AOPEP: variants seen among roughly 807,000 people sequenced by gnomAD.
The protein encoded by AOPEP is aminopeptidase O (putative).
A neutral mutation model predicts 98.1 loss-of-function variants in AOPEP; 77 were observed. That is an observed-to-expected ratio of 0.78 (90% CI 0.65 to 0.95). The LOEUF (loss-of-function observed/expected upper bound fraction) is 0.95, where lower values mean the gene tolerates loss of function less well. Ranked by LOEUF, AOPEP falls within the 40% of genes least tolerant of loss-of-function variation. The pLI is 0.00. For synonymous variants in AOPEP, 346 were observed against 365.3 expected (o/e 0.95, Z 0.60); for missense variants, 1,024 against 1,024.7 (o/e 1.00, Z 0.01).
intron 5 of AOPEP, among the ~76,000 whole-genome samples, chr9:94,839,520 G>T (rs1194619392): frequency 6.6e-6 from 1 of 152,104 alleles, no homozygotes; most frequent in East Asian, 1.9e-4. Context: ...ACTACACCCG[G>T]CCTATAAGTG....
rs554747599 is a variant in AOPEP at position 94,730,931 on chromosome 9, GA to G, written c.-136+4188del. 5.3e-4 allele frequency among the ~76,000 whole-genome samples: 80 copies of G among 152,028 alleles called. 1 individual carries two copies. The highest frequency in any genetic ancestry group is 1.6e-3 in the African/African-American group (68 of 41,518). On this transcript the variant is annotated intron_variant, in intron 1 of 16. Coordinates refer to ENST00000375315, the MANE Select transcript of AOPEP (RefSeq NM_001193329.3). ...GTAAAGCATGTCTTGTAATGTTAAAGAAAAAAAAGACGATTAATTTGCTACG... is the reference window on the plus strand; with the variant it reads ...GTAAAGCATGTCTTGTAATGTTAAAGAAAAAAAGACGATTAATTTGCTACG...
chr9:94,981,128 C>T (rs766073772), intron 11 of AOPEP, among the ~76,000 whole-genome samples: 5 of 152,204 alleles, frequency 3.3e-5, no homozygotes, highest in Admixed American at 6.5e-5. Flanking sequence ...CAGGCGCACT[C>T]CACTTAGGCT....
At chr9:94,728,407 C>G (rs1587913627) in intron 1 of AOPEP, among the ~76,000 whole-genome samples, 1 of 152,286 alleles carries the variant, frequency 6.6e-6, no homozygotes, top group East Asian at 1.9e-4. Context: ...ATTTTATTGA[C>G]TCTTTGAGAT....
chr9:95,122,305 G>A, the AOPEP span, among the ~76,000 whole-genome samples: 4 of 152,046 alleles, frequency 2.6e-5, no homozygotes, highest in African/African-American at 4.8e-5. Flanking sequence ...GAGAAAAGAG[G>A]GTCACGCATC....
chr9:95,147,440 C>T, the AOPEP span, among the ~76,000 whole-genome samples: 2 of 152,128 alleles, frequency 1.3e-5, no homozygotes, highest in East Asian at 1.9e-4. Context: ...CACTTGAACC[C>T]GGAAGGCAGA....
intron 13 of AOPEP, among the ~76,000 whole-genome samples, chr9:95,010,324 T>C (rs1032419479): frequency 2.0e-5 from 3 of 152,210 alleles, no homozygotes; most frequent in African/African-American, 7.2e-5. Flanking sequence ...TAATAAAAAT[T>C]ATTTGGCTCT....
intron 1 of AOPEP, among the ~76,000 whole-genome samples, chr9:94,758,842 A>C (rs754670009): frequency 6.6e-6 from 1 of 152,106 alleles, no homozygotes; most frequent in African/African-American, 2.4e-5. Flanking sequence ...CAGAACTTTT[A>C]TGAAGAACTT....
At chr9:94,782,859 TAGTTCTTGCTTA>T (rs2133200691) in intron 3 of AOPEP, among the ~76,000 whole-genome samples, 1 of 152,364 alleles carries the variant, frequency 6.6e-6, no homozygotes, top group South Asian at 2.1e-4. Flanking sequence ...TGTTGTTGAC[TAGTTCTTGCTTA>T]CCCTCCTGGC....
the AOPEP span, chr9:95,135,259 A>AC: frequency 2.3e-6 from 3 of 1,314,440 alleles, no homozygotes; most frequent in South Asian, 3.6e-5. Flanking sequence ...TTTTGTTTAC[A>AC]TCCCCCCCTT....
At position 94,967,781 on chromosome 9, in the gene AOPEP, G is replaced by C. The variant is rs528813757; in HGVS notation, c.1896G>C (p.Glu632Asp). 1.6e-5 allele frequency: 26 copies of C among 1,613,372 alleles called. 1 individual carries two copies. The South Asian group carries it at 2.5e-4, about 16-fold the overall frequency. ...LSQDFLQMLL[E>D]NIPEEKRLEL... The stretch of plus-strand genomic sequence containing the variant: ...AGGATTTCCTTCAAATGCTACTGGA[G>C]AACATTCCAGAAGAAAAAAGGTAAG... The change falls in exon 10 of 17, where the codon GAG becomes GAC. Residue 632 changes from glutamate (E) to aspartate (D), a missense_variant. By Grantham distance (45) the Glu-to-Asp change is conservative. Around this residue, in one of 3 missense-constraint regions of AOPEP, gnomAD observed 566 missense variants for 551.7 expected, o/e 1.03. Coordinates refer to ENST00000375315, the MANE Select transcript of AOPEP (RefSeq NM_001193329.3).
chr9:95,049,223 G>A (rs950290938), intron 13 of AOPEP, among the ~76,000 whole-genome samples: 1 of 152,170 alleles, frequency 6.6e-6, no homozygotes, highest in Non-Finnish European at 1.5e-5. Flanking sequence ...AAGCTGGTTT[G>A]TTTTAAAGGA....
At chr9:94,911,251 T>A (rs1243395734) in intron 5 of AOPEP, among the ~76,000 whole-genome samples, 1 of 152,200 alleles carries the variant, frequency 6.6e-6, no homozygotes, top group African/African-American at 2.4e-5. Context: ...AGATAAGAGA[T>A]GTTGGGTGAT....
the AOPEP span, chr9:95,107,366 G>A: frequency 1.2e-5 from 16 of 1,343,468 alleles, no homozygotes; most frequent in South Asian, 2.5e-5. Context: ...CCCCAGAAAC[G>A]GGTAAGCACT....
At chr9:94,918,895 AT>A (rs113503897) in intron 5 of AOPEP, among the ~76,000 whole-genome samples, 8,914 of 142,782 alleles carry the variant, frequency 0.062, 305 homozygotes, top group South Asian at 0.14. Flanking sequence ...ATGTTTTACT[AT>A]TTTTTTTTTT....
At chr9:94,794,246 G>A (rs147975950) in intron 4 of AOPEP, among the ~76,000 whole-genome samples, 15 of 152,296 alleles carry the variant, frequency 9.8e-5, no homozygotes, top group East Asian at 1.9e-4. Context: ...GAAGGGGGAC[G>A]CTGAGAAGGT....
chr9:94,967,693 G>C (rs2059292414), intron 9 of AOPEP, 65 bp from the exon 10 acceptor site: 1 of 1,390,194 alleles, frequency 7.2e-7, no homozygotes, highest in Non-Finnish European at 1.0e-6. Context: ...TCAGCCTCTG[G>C]CATGGTTCCA....
intron 4 of AOPEP, among the ~76,000 whole-genome samples, chr9:94,799,738 T>C (rs2133707974): frequency 6.6e-6 from 1 of 152,136 alleles, no homozygotes; most frequent in East Asian, 1.9e-4. Context: ...GGCACACACG[T>C]GTAATCCCAG....
intron 5 of AOPEP, among the ~76,000 whole-genome samples, chr9:94,807,897 G>T (rs1849583370): frequency 6.6e-6 from 1 of 152,240 alleles, no homozygotes; most frequent in South Asian, 2.1e-4. Context: ...AGCTCTGCTG[G>T]AGGGAATATT....
At chr9:94,895,249 AAAT>A (rs2049372024) in intron 5 of AOPEP, among the ~76,000 whole-genome samples, 2 of 150,572 alleles carry the variant, frequency 1.3e-5, no homozygotes, top group African/African-American at 4.9e-5. Flanking sequence ...TAAAAAAAAA[AAAT>A]AGCTGGGCAT....
Sources: gnomAD v4.1 joint callset for allele counts (sites outside exome capture counted in the v4.1 genomes callset) on GRCh38, gnomAD v4.1.1 for gene constraint, gnomAD v4.1.1 regional missense constraint, MANE v1.5 for transcripts, NCBI Gene and HGNC (gene_info 2026-07-23, HGNC 2026-07-21) for gene names.